Variants in GALNTL6 observed in about 807,000 individuals in gnomAD.
GALNTL6 encodes polypeptide N-acetylgalactosaminyltransferase like 6, also known as polypeptide N-acetylgalactosaminyltransferase-like 6.
GALNTL6 carries 46 observed loss-of-function variants against 73.7 expected under a neutral mutation model. That is an observed-to-expected ratio of 0.62 (90% CI 0.49 to 0.80). The LOEUF is 0.80. Ranked by LOEUF, GALNTL6 falls within the 30% of genes least tolerant of loss-of-function variation. GALNTL6 has a pLI of 0.00. For missense variants in GALNTL6, 604 were observed against 755.0 expected (o/e 0.80, Z 2.34); for synonymous variants, 259 against 263.7 (o/e 0.98, Z 0.17).
At chr4:172,473,163 T>C (rs1347809850) in intron 5 of GALNTL6, among the ~76,000 whole-genome samples, 2 of 152,192 alleles carry the variant, frequency 1.3e-5, no homozygotes, top group Non-Finnish European at 2.9e-5. Flanking sequence ...GTGCTACCAT[T>C]GAAGGCCAAT....
chr4:172,868,520 A>T (rs1744771915), intron 7 of GALNTL6, among the ~76,000 whole-genome samples: 1 of 152,344 alleles, frequency 6.6e-6, no homozygotes, highest in Admixed American at 6.5e-5. Context: ...ATACTATTGT[A>T]CTTCAGAACA....
chr4:172,685,815 C>T (rs1732884339), intron 5 of GALNTL6, among the ~76,000 whole-genome samples: 1 of 152,042 alleles, frequency 6.6e-6, no homozygotes, highest in Non-Finnish European at 1.5e-5. Context: ...AATGAAGGAG[C>T]GGGGATGTCT....
At chr4:172,181,997 G>A (rs1248142734) in intron 2 of GALNTL6, among the ~76,000 whole-genome samples, 1 of 152,042 alleles carries the variant, frequency 6.6e-6, no homozygotes, top group African/African-American at 2.4e-5. Flanking sequence ...GATTACAGGA[G>A]TGAGCCACCG....
At chr4:172,328,633 G>A (rs1042427479) in intron 4 of GALNTL6, among the ~76,000 whole-genome samples, 2 of 151,890 alleles carry the variant, frequency 1.3e-5, no homozygotes, top group East Asian at 3.9e-4. Flanking sequence ...TTATTTCAGG[G>A]ATCCAGTCTT....
rs376995585 is a variant in GALNTL6, at chr4:172,035,220, G to A, written c.139-194436G>A. 7.2e-5 allele frequency among the ~76,000 whole-genome samples: 11 copies of A among 152,016 alleles called. No individual in the cohort carries two copies. In the East Asian group the frequency reaches 2.1e-3, roughly 29 times the overall value. Reference sequence around the variant, plus strand: ...ATGACTCAAAAATTTAAAAAACATAGAAAACATGTAAAGTTTTCAAGAATA... The same window carrying A: ...ATGACTCAAAAATTTAAAAAACATAAAAAACATGTAAAGTTTTCAAGAATA... On this transcript the variant is annotated intron_variant, in intron 2 of 12. Coordinates refer to ENST00000506823, the MANE Select transcript of GALNTL6 (RefSeq NM_001034845.3).
intron 5 of GALNTL6, among the ~76,000 whole-genome samples, chr4:172,411,003 G>A (rs1029084576): frequency 6.6e-6 from 1 of 152,094 alleles, no homozygotes; most frequent in African/African-American, 2.4e-5. Flanking sequence ...AAGAGACCCT[G>A]GGGGTTAAAA....
At chr4:171,825,011 T>C (rs1037679389) in intron 2 of GALNTL6, among the ~76,000 whole-genome samples, 3 of 152,284 alleles carry the variant, frequency 2.0e-5, no homozygotes, top group Non-Finnish European at 4.4e-5. Flanking sequence ...TTTGATGACC[T>C]TTCCCCTCAT....
chr4:171,860,983 G>A (rs1014111586), intron 2 of GALNTL6, among the ~76,000 whole-genome samples: 1 of 152,172 alleles, frequency 6.6e-6, no homozygotes. Context: ...TTCTCCATTA[G>A]GCCTCTCACA....
intron 8 of GALNTL6, among the ~76,000 whole-genome samples, chr4:172,916,879 C>T (rs1256945084): frequency 6.6e-6 from 1 of 152,136 alleles, no homozygotes; most frequent in Non-Finnish European, 1.5e-5. Flanking sequence ...ACTTTCTTCA[C>T]AGAATTGGAA....
chr4:171,870,260 G>A (rs183608752), intron 2 of GALNTL6, among the ~76,000 whole-genome samples: 3 of 152,142 alleles, frequency 2.0e-5, no homozygotes, highest in African/African-American at 7.2e-5. Context: ...GAAGTTTCAT[G>A]AATGATGCCC....
Position 172,952,256 on chromosome 4 carries a change from G to T in GALNTL6, c.1369G>T (p.Glu457Ter). The change falls in exon 10 of 13, where the codon GAG (glutamate) becomes TAG (stop). Residue 457 changes from glutamate (E) to a stop codon, truncating the protein, a stop_gained and splice_region_variant. Coordinates refer to ENST00000506823, the MANE Select transcript of GALNTL6 (RefSeq NM_001034845.3). LOFTEE classifies it high-confidence loss of function. ...PVEPPPAAWGEIRNVAANLCV... is the reference protein window; with the variant it reads ...PVEPPPAAWG ...GGAGCCCCCGCCTGCTGCCTGGGGG[G>T]AGGTGAGGAAAGGTTGCCTGAAACC... 7 of 1,612,888 alleles carry T rather than the reference G, an allele frequency of 4.3e-6. No individual in the cohort carries two copies. Among genetic ancestry groups the T allele is most frequent in the East Asian group, 2.2e-5 (1 of 44,846 alleles).
rs369180229 is a variant in GALNTL6 at position 172,262,358 on chromosome 4, CT to C, written c.247+32602del. Reference sequence around the variant, plus strand: ...ATTGTGATATTTTCCATTTGAATTACTTTTTTTTATCATTATATAATTTCCT... The same window carrying C: ...ATTGTGATATTTTCCATTTGAATTACTTTTTTTATCATTATATAATTTCCT... On this transcript the variant is annotated intron_variant, in intron 3 of 12. Coordinates refer to ENST00000506823, the MANE Select transcript of GALNTL6 (RefSeq NM_001034845.3). Among the ~76,000 whole-genome samples the C allele has an allele frequency of 4.3e-3, 653 of 151,190 alleles. 4 individuals are homozygous for C. The highest frequency in any genetic ancestry group is 7.3e-3 in the Non-Finnish European group (490 of 67,406).
intron 5 of GALNTL6, among the ~76,000 whole-genome samples, chr4:172,685,782 C>T (rs1732883214): frequency 6.6e-6 from 1 of 152,014 alleles, no homozygotes; most frequent in Non-Finnish European, 1.5e-5. Flanking sequence ...AAAAATATCC[C>T]TATTGTTTTC....
intron 3 of GALNTL6, among the ~76,000 whole-genome samples, chr4:172,231,939 A>G (rs1338202212): frequency 2.0e-5 from 3 of 152,174 alleles, no homozygotes; most frequent in Admixed American, 1.3e-4. Flanking sequence ...TCACAAAAGA[A>G]ATTGGTAATA....
At chr4:172,163,228 A>T (rs1734526114) in intron 2 of GALNTL6, among the ~76,000 whole-genome samples, 1 of 152,086 alleles carries the variant, frequency 6.6e-6, no homozygotes, top group Non-Finnish European at 1.5e-5. Flanking sequence ...AACTTTTTAG[A>T]CATTACTCTG....
rs1433362232 is a variant in GALNTL6, at chr4:172,313,690, C to T, written c.386+1938C>T. ...GAAGAAAGCATTATTATAAATGTTA[C>T]GGAAGAAAAATATGGCCAAAATATA... is the stretch of plus-strand genomic sequence containing the variant. On this transcript the variant is annotated intron_variant, in intron 4 of 12. Transcript: ENST00000506823. Among the ~76,000 whole-genome samples, 9 of 151,946 alleles carry T rather than the reference C, an allele frequency of 5.9e-5. No homozygotes were observed. The East Asian group carries it at 7.7e-4, about 13-fold the overall frequency.
At chr4:172,122,349 T>A (rs1342411857) in intron 2 of GALNTL6, among the ~76,000 whole-genome samples, 2 of 152,024 alleles carry the variant, frequency 1.3e-5, no homozygotes, top group Non-Finnish European at 2.9e-5. Context: ...TGTTCCAATG[T>A]CTTGGAAAAA....
At chr4:172,180,919 C>T (rs1026068163) in intron 2 of GALNTL6, among the ~76,000 whole-genome samples, 1 of 152,180 alleles carries the variant, frequency 6.6e-6, no homozygotes, top group Admixed American at 6.5e-5. Flanking sequence ...TTAGGATTGT[C>T]TGGCTATACG....
intron 3 of GALNTL6, among the ~76,000 whole-genome samples, chr4:172,262,392 C>A (rs6812335): frequency 0.35 from 52,747 of 150,898 alleles, 9,258 homozygotes; most frequent in Non-Finnish European, 0.38. Context: ...CCTTCTTTGT[C>A]TTTTCTGTCA....
Sources: allele counts gnomAD v4.1 joint callset (sites outside exome capture counted in the v4.1 genomes callset), GRCh38; gene constraint gnomAD v4.1.1; transcripts MANE v1.5; gene names NCBI Gene and HGNC (gene_info 2026-07-23, HGNC 2026-07-21).